TENT2: variants seen among roughly 807,000 people sequenced by gnomAD.
The protein encoded by TENT2 is poly(A) RNA polymerase GLD2.
In TENT2, 44 loss-of-function variants were observed where a neutral mutation model predicts 72.2. The ratio of observed to expected loss-of-function variants is 0.61; its 90% confidence interval spans 0.48 to 0.78. The LOEUF is 0.78. TENT2 is among the 30% of genes least tolerant of loss of function. The probability of loss-of-function intolerance (pLI) is 0.00; values close to 1 mark genes in which losing one functional copy is unlikely to be tolerated. For missense variants in TENT2, 541 were observed against 569.6 expected (o/e 0.95, Z 0.51); for synonymous variants, 212 against 192.5 (o/e 1.10, Z -0.84).
chr5:79,635,409 A>G (rs539382715), intron 4 of TENT2, among the ~76,000 whole-genome samples: 1 of 150,574 alleles, frequency 6.6e-6, no homozygotes, highest in Non-Finnish European at 1.5e-5. Context: ...GTTTCCATGC[A>G]TGTAAAAAAT....
At chr5:79,649,550 A>G in intron 10 of TENT2, among the ~76,000 whole-genome samples, 1 of 152,120 alleles carries the variant, frequency 6.6e-6, no homozygotes, top group Non-Finnish European at 1.5e-5. Context: ...TGAATTTGAG[A>G]CAGGAATTAA....
Position 79,620,090 on chromosome 5 carries a change from ACTT to A in TENT2, c.227+11_227+13del, listed in dbSNP as rs751548033. The stretch of plus-strand genomic sequence containing the variant: ...CATTATTTCGAGGAAGGAAGTAAGT[ACTT>A]CTTAATTATTTTAAAAGAATATTTT... On this transcript the variant is annotated splice_region_variant and intron_variant, in intron 3 of 14. Coordinates refer to ENST00000453514, the MANE Select transcript of TENT2 (RefSeq NM_001114394.3). 2 of 1,562,152 alleles carry A rather than the reference ACTT, an allele frequency of 1.3e-6. No individual in the cohort carries two copies. Among genetic ancestry groups the A allele is most frequent in the Non-Finnish European group, 8.8e-7 (1 of 1,136,520 alleles).
At chr5:79,669,224 T>C (rs1810961100) in intron 12 of TENT2, among the ~76,000 whole-genome samples, 196 bp downstream of exon 12, 1 of 152,226 alleles carries the variant, frequency 6.6e-6, no homozygotes, top group Non-Finnish European at 1.5e-5. Context: ...TATTGGAAGC[T>C]AGATAGATTT....
At chr5:79,639,728 A>T (rs1429530965) in intron 4 of TENT2, among the ~76,000 whole-genome samples, 1 of 152,156 alleles carries the variant, frequency 6.6e-6, no homozygotes, top group East Asian at 1.9e-4. Flanking sequence ...TGTGAACTGG[A>T]TAGAAGATTG....
At chr5:79,618,494 A>G (rs1474593872) in intron 1 of TENT2, among the ~76,000 whole-genome samples, 2 of 151,968 alleles carry the variant, frequency 1.3e-5, no homozygotes, top group African/African-American at 4.8e-5. Context: ...CCGGCCTCCC[A>G]GAGTGCTGGG....
At chr5:79,615,419 A>G (rs113719552) in intron 1 of TENT2, among the ~76,000 whole-genome samples, 6 of 152,314 alleles carry the variant, frequency 3.9e-5, no homozygotes, top group African/African-American at 1.2e-4. Context: ...ATTTAAATAA[A>G]CCTGAAAGTA....
At chr5:79,623,769 T>G in intron 4 of TENT2, 1 of 238,444 alleles carries the variant, frequency 4.2e-6, no homozygotes, top group Non-Finnish European at 7.8e-6. Context: ...TCTTGTTACT[T>G]GTTTTTACTG....
chr5:79,682,040 G>C lies in TENT2; in HGVS notation c.1359G>C (p.Met453Ile), dbSNP rs765121952. ...RAVHEKQKFD[M>I]IKDQFLKSWH... Reference sequence around the variant, plus strand: ...TGCACGAAAAGCAGAAATTTGATATGATCAAGGATCAATTTTTAAAGGTAA... The same window carrying C: ...TGCACGAAAAGCAGAAATTTGATATCATCAAGGATCAATTTTTAAAGGTAA... Residue 453 changes from methionine (M) to isoleucine (I), a missense_variant, in exon 14 of 15, where the codon ATG becomes ATC. Transcript: ENST00000453514. The C allele has an allele frequency of 5.0e-6, 8 of 1,612,602 alleles. No individual in the cohort carries two copies. In the Admixed American group the frequency reaches 1.3e-4, roughly 27 times the overall value.
chr5:79,643,114 A>G, intron 7 of TENT2: 1 of 374,654 alleles, frequency 2.7e-6, no homozygotes, highest in Non-Finnish European at 3.7e-6. Context: ...ACTTACTGCA[A>G]AATATACCAC....
At chr5:79,643,353 T>C (rs1785958786) in intron 7 of TENT2, among the ~76,000 whole-genome samples, 1 of 152,226 alleles carries the variant, frequency 6.6e-6, no homozygotes, top group Non-Finnish European at 1.5e-5. Flanking sequence ...ACATGAGACC[T>C]AAATGTATTA....
In TENT2 at chr5:79,645,153, G is replaced by A. The variant is rs1185790401; in HGVS notation, c.782G>A (p.Arg261Gln). Residue 261 changes from arginine to glutamine, a missense_variant, in exon 8 of 15, where the codon CGA becomes CAA. Physicochemically the swap from Arg to Gln is conservative, Grantham distance 43 (BLOSUM62 1). Coordinates refer to ENST00000453514, the MANE Select transcript of TENT2 (RefSeq NM_001114394.3). ...TACATTGAGAGACCTCAGCTGATTC[G>A]AGCAAAAGTGCCAATTGTGAAGTTC... is the stretch of plus-strand genomic sequence containing the variant. Reference protein sequence around the residue: ...SGYIERPQLIRAKVPIVKFRD... With the variant: ...SGYIERPQLIQAKVPIVKFRD... 6.2e-7 allele frequency: 1 copy of A among 1,608,178 alleles called. No homozygotes were observed. Among genetic ancestry groups the A allele is most frequent in the Non-Finnish European group, 8.5e-7 (1 of 1,177,446 alleles).
At chr5:79,650,364 G>A (rs970079097) in intron 10 of TENT2, among the ~76,000 whole-genome samples, 1 of 151,908 alleles carries the variant, frequency 6.6e-6, no homozygotes, top group African/African-American at 2.4e-5. Flanking sequence ...TTTCATAGCT[G>A]TTACCTACCA....
intron 11 of TENT2, among the ~76,000 whole-genome samples, chr5:79,666,433 A>C (rs1008074906): frequency 2.0e-5 from 3 of 150,478 alleles, no homozygotes; most frequent in Non-Finnish European, 3.0e-5. Flanking sequence ...TGCAATGATG[A>C]GCCCTCCTGG....
intron 4 of TENT2, among the ~76,000 whole-genome samples, chr5:79,638,015 G>A (rs1410839174): frequency 6.6e-6 from 1 of 151,262 alleles, no homozygotes; most frequent in Admixed American, 6.6e-5. Context: ...GTCCAGGATG[G>A]TCTTGATCTC....
chr5:79,644,849 T>C (rs984865752), intron 7 of TENT2: 26 of 273,020 alleles, frequency 9.5e-5, no homozygotes, highest in African/African-American at 3.7e-4. Context: ...AGCCTAGATA[T>C]ATTTTCACTC....
chr5:79,634,883 A>C (rs1778859063), intron 4 of TENT2, among the ~76,000 whole-genome samples: 1 of 151,446 alleles, frequency 6.6e-6, no homozygotes, highest in Admixed American at 6.6e-5. Flanking sequence ...GGGTCTTACT[A>C]AGTTACCCAG....
intron 12 of TENT2, among the ~76,000 whole-genome samples, chr5:79,674,333 G>T (rs1348738083): frequency 6.6e-6 from 1 of 152,192 alleles, no homozygotes; most frequent in Non-Finnish European, 1.5e-5. Context: ...AGTGAGCCGA[G>T]ATCGCGCCAC....
intron 4 of TENT2, among the ~76,000 whole-genome samples, chr5:79,623,947 C>T (rs370066626): frequency 7.4e-4 from 113 of 152,056 alleles, no homozygotes; most frequent in East Asian, 6.9e-3. Flanking sequence ...AAAGATTTAT[C>T]AAAAACATTT....
At chr5:79,662,312 C>CT (rs1015181002) in intron 11 of TENT2, among the ~76,000 whole-genome samples, 6 of 152,162 alleles carry the variant, frequency 3.9e-5, no homozygotes, top group African/African-American at 1.4e-4. Context: ...GCATTAACTT[C>CT]TTTTAAACTT....
Sources: allele counts gnomAD v4.1 joint callset (sites outside exome capture counted in the v4.1 genomes callset), GRCh38; gene constraint gnomAD v4.1.1; transcripts MANE v1.5; gene names NCBI Gene and HGNC (gene_info 2026-07-23, HGNC 2026-07-21).